Variants in RYK observed in about 807,000 individuals in gnomAD.
The protein encoded by RYK is receptor like tyrosine kinase.
Under a neutral mutation model 70.2 loss-of-function variants are expected in RYK, and 21 were observed. The ratio of observed to expected loss-of-function variants is 0.30; its 90% confidence interval spans 0.21 to 0.43. The LOEUF (loss-of-function observed/expected upper bound fraction) is 0.43, where lower values mean the gene tolerates loss of function less well. Among genes scored for constraint, RYK ranks in the 20% least tolerant of loss-of-function variants. The pLI, the probability that RYK is intolerant of heterozygous loss-of-function variation, is 1.00. For synonymous variants in RYK, 267 were observed against 278.0 expected, an observed-to-expected ratio of 0.96 and a Z score of 0.39; for missense variants, 604 against 753.3, an observed-to-expected ratio of 0.80 and a Z score of 2.32.
At chr3:134,188,304 G>T (rs1237515809) in intron 9 of RYK, among the ~76,000 whole-genome samples, 1 of 151,780 alleles carries the variant, frequency 6.6e-6, no homozygotes, top group African/African-American at 2.4e-5. Flanking sequence ...GGGATTACAG[G>T]CGTGAGCCAC....
rs145149245 is a variant in RYK at position 134,210,161 on chromosome 3, A to G, written c.455-332T>C. Among the ~76,000 whole-genome samples, 698 of 152,318 alleles carry G rather than the reference A, an allele frequency of 4.6e-3. 2 individuals are homozygous for G. The highest frequency in any genetic ancestry group is 0.016 in the African/African-American group (668 of 41,568). On this transcript the variant is annotated intron_variant, in intron 3 of 14. Transcript: ENST00000623711. ...AGTCCTGCTATTCCAGTACACTAAAACTGAAGGATCATAAGGCAAACCTTA... is the reference window on the plus strand; with the variant it reads ...AGTCCTGCTATTCCAGTACACTAAAGCTGAAGGATCATAAGGCAAACCTTA...
At chr3:134,190,293 ACT>A (rs1451330415) in intron 8 of RYK, among the ~76,000 whole-genome samples, 1 of 151,914 alleles carries the variant, frequency 6.6e-6, no homozygotes, top group Non-Finnish European at 1.5e-5. Flanking sequence ...GAGCTTCTTA[ACT>A]CTCTTGCACT....
At chr3:134,233,513 C>A (rs1334262801) in intron 1 of RYK, among the ~76,000 whole-genome samples, 2 of 151,988 alleles carry the variant, frequency 1.3e-5, no homozygotes, top group African/African-American at 2.4e-5. Flanking sequence ...TTTTTATGTA[C>A]AAATATATTA....
intron 5 of RYK, among the ~76,000 whole-genome samples, chr3:134,204,591 C>CCACACA (rs59154111): frequency 0.26 from 36,853 of 140,478 alleles, 4,964 homozygotes; most frequent in Middle Eastern, 0.34. Flanking sequence ...ACAGCCACAG[C>CCACACA]CACACACACA....
chr3:134,159,487 G>T, intron 13 of RYK, 114 bp from the exon 14 acceptor site: 2 of 1,019,436 alleles, frequency 2.0e-6, no homozygotes, highest in Non-Finnish European at 2.8e-6. Context: ...CTTTGGAAAA[G>T]CGAAATGTTA....
intron 9 of RYK, 79 bp from the exon 10 acceptor site, chr3:134,183,150 ATT>A: frequency 1.3e-6 from 1 of 788,790 alleles, no homozygotes. Context: ...TTAGTAAATA[ATT>A]ATCTTGAACT....
chr3:134,193,317 G>C (rs1442580423), intron 7 of RYK, among the ~76,000 whole-genome samples: 1 of 151,960 alleles, frequency 6.6e-6, no homozygotes, highest in Non-Finnish European at 1.5e-5. Context: ...CCAAGTAGCT[G>C]GGACTACAGG....
chr3:134,157,279 T>C lies in RYK; in HGVS notation c.*874A>G, dbSNP rs569013917. The C allele has an allele frequency of 3.3e-5, 5 of 152,716 alleles. No individual in the cohort carries two copies. The highest frequency in any genetic ancestry group is 1.9e-4 in the East Asian group (1 of 5,192). The allele number at this position is 152,716 out of a possible 1,614,324, so 9.5% of individuals were successfully genotyped here. A position where few individuals can be genotyped will look rare whatever the true frequency, so the allele number is the denominator to read the frequency against. On this transcript the variant is annotated 3_prime_UTR_variant, in exon 15 of 15. Transcript: ENST00000623711. ...ACAACTCAAGCACCCGCTCTGTGCA[T>C]AGCACTATTCTAGGTGCAATAAAAG... is the stretch of plus-strand genomic sequence containing the variant.
At chr3:134,209,669 CA>C in intron 4 of RYK, 25 bp downstream of exon 4, 1 of 1,401,720 alleles carries the variant, frequency 7.1e-7, no homozygotes, top group Non-Finnish European at 9.4e-7. Flanking sequence ...ACATGTAAAA[CA>C]TATTTTGGTA....
intron 8 of RYK, among the ~76,000 whole-genome samples, chr3:134,190,735 G>C (rs908409207): frequency 1.3e-5 from 2 of 152,124 alleles, no homozygotes; most frequent in Non-Finnish European, 2.9e-5. Flanking sequence ...ACCTGGTTCA[G>C]AATTCCTTCT....
chr3:134,216,393 A>C (rs1481862150), intron 2 of RYK, among the ~76,000 whole-genome samples: 1 of 152,160 alleles, frequency 6.6e-6, no homozygotes, highest in Non-Finnish European at 1.5e-5. Context: ...CAACTCCTAG[A>C]AAATGATGAC....
chr3:134,166,763 G>A (rs565152343), intron 13 of RYK, among the ~76,000 whole-genome samples: 1,732 of 152,284 alleles, frequency 0.011, 117 homozygotes, highest in Admixed American at 0.099. Context: ...TATCCTGAGG[G>A]AGAGCCAACG....
At chr3:134,185,420 A>G (rs1165000226) in intron 9 of RYK, among the ~76,000 whole-genome samples, 2 of 152,172 alleles carry the variant, frequency 1.3e-5, no homozygotes, top group Non-Finnish European at 2.9e-5. Flanking sequence ...CTTCACTTCC[A>G]TTACTTGCTA....
intron 10 of RYK, among the ~76,000 whole-genome samples, 153 bp downstream of exon 10, chr3:134,182,849 T>C (rs1400964485): frequency 6.6e-6 from 1 of 152,204 alleles, no homozygotes; most frequent in Admixed American, 6.5e-5. Context: ...TTTTGTGCAA[T>C]GAGAATGCAT....
chr3:134,168,097 C>T (rs2012750954), intron 13 of RYK, among the ~76,000 whole-genome samples: 1 of 152,118 alleles, frequency 6.6e-6, no homozygotes, highest in Admixed American at 6.5e-5. Context: ...GTTAGAATGG[C>T]AATCATTAAA....
chr3:134,250,423 C>T lies in RYK; in HGVS notation c.232G>A (p.Gly78Ser). 1 of 1,397,944 alleles carries T rather than the reference C, an allele frequency of 7.2e-7. No homozygotes were observed. Among genetic ancestry groups the T allele is most frequent in the South Asian group, 1.5e-5 (1 of 66,462 alleles). The allele number at this position is 1,397,944 out of a possible 1,614,324, so 86.6% of individuals were successfully genotyped here. The change falls in exon 1 of 15, where the codon GGT becomes AGT. Residue 78 changes from glycine to serine, a missense_variant and splice_region_variant. Gly to Ser is a moderately conservative substitution (Grantham distance 56). Coordinates refer to ENST00000623711, the MANE Select transcript of RYK (RefSeq NM_002958.4). ...LSEDEVRRLIGLDAELYYVRN... is the reference protein window; with the variant it reads ...LSEDEVRRLISLDAELYYVRN... ...CCCCGGCCTCGGCGGCCCCACTCAC[C>T]GATCAGCCGGCGCACCTCGTCCTCG...
Position 134,188,904 on chromosome 3 carries a change from GA to G in RYK, c.1034del (p.Phe345SerfsTer5). On this transcript the variant is annotated frameshift_variant, in exon 9 of 15. Coordinates refer to ENST00000623711, the MANE Select transcript of RYK (RefSeq NM_002958.4). LOFTEE classifies it high-confidence loss of function. ...CTTTTTCATCTATTAAAATCCCATGGAAAATACGCCCAAAAGTACCTAAAAG... is the reference window on the plus strand; with the variant it reads ...CTTTTTCATCTATTAAAATCCCATGGAAATACGCCCAAAAGTACCTAAAAG... Reference protein sequence around the residue: ...VLQEGTFGRIFHGILIDEKDP... With the variant: ...VLQEGTFGRIXHGILIDEKDP... 2 of 1,568,482 alleles carry G rather than the reference GA, an allele frequency of 1.3e-6. No homozygotes were observed. Among genetic ancestry groups the G allele is most frequent in the Non-Finnish European group, 1.7e-6 (2 of 1,146,524 alleles).
chr3:134,172,219 C>T (rs780455987), intron 13 of RYK, among the ~76,000 whole-genome samples: 13 of 152,166 alleles, frequency 8.5e-5, no homozygotes, highest in Non-Finnish European at 1.2e-4. Context: ...AAATCAACTA[C>T]GGAATAAAAT....
intron 13 of RYK, among the ~76,000 whole-genome samples, chr3:134,171,618 G>A (rs2108147733): frequency 6.6e-6 from 1 of 152,296 alleles, no homozygotes; most frequent in East Asian, 1.9e-4. Flanking sequence ...TGTAATCCCA[G>A]TGCTTTGAGA....
Sources: gnomAD v4.1 joint callset for allele counts (sites outside exome capture counted in the v4.1 genomes callset) on GRCh38, gnomAD v4.1.1 for gene constraint, MANE v1.5 for transcripts, NCBI Gene and HGNC (gene_info 2026-07-23, HGNC 2026-07-21) for gene names.